FHOD3: variants seen among roughly 807,000 people sequenced by gnomAD.
The protein encoded by FHOD3 is FH1/FH2 domain-containing protein 3.
FHOD3 carries 90 observed loss-of-function variants against 173.0 expected under a neutral mutation model. That is an observed-to-expected ratio of 0.52 (90% CI 0.44 to 0.62). The LOEUF (loss-of-function observed/expected upper bound fraction) is 0.62, where lower values mean the gene tolerates loss of function less well. FHOD3 is among the 20% of genes least tolerant of loss of function. The pLI is 0.00. For synonymous variants in FHOD3, 828 were observed against 823.0 expected, an observed-to-expected ratio of 1.01 and a Z score of -0.10; for missense variants, 1,945 against 2,034.7, an observed-to-expected ratio of 0.96 and a Z score of 0.85.
intron 1 of FHOD3, among the ~76,000 whole-genome samples, chr18:36,350,071 C>T (rs1301909764): frequency 6.6e-6 from 1 of 152,178 alleles, no homozygotes; most frequent in African/African-American, 2.4e-5. Context: ...AGGCATCATG[C>T]CTGGCTTGCC....
Position 36,372,675 on chromosome 18 carries a change from G to C in FHOD3, c.273-5G>C, listed in dbSNP as rs772151743. On this transcript the variant is annotated splice_region_variant and splice_polypyrimidine_tract_variant and intron_variant, in intron 2 of 28. Transcript: ENST00000590592. ...ATGCCCCTGTTTTGTCTCCTGTCTC[G>C]TTAGGCGGGGCAAGAAGCACAGCAT... The C allele has an allele frequency of 1.2e-6, 2 of 1,613,728 alleles. No homozygotes were observed. The highest frequency in any genetic ancestry group is 1.7e-6 in the Non-Finnish European group (2 of 1,179,824).
At chr18:36,514,429 T>A (rs1270684295) in intron 5 of FHOD3, among the ~76,000 whole-genome samples, 1 of 152,204 alleles carries the variant, frequency 6.6e-6, no homozygotes, top group African/African-American at 2.4e-5. Context: ...TGTGTGTCTG[T>A]TCACTTTGGT....
chr18:36,667,799 A>T (rs1435248171), intron 14 of FHOD3, among the ~76,000 whole-genome samples: 1 of 152,166 alleles, frequency 6.6e-6, no homozygotes, highest in Admixed American at 6.5e-5. Flanking sequence ...AAAAAAGAAA[A>T]GTAGTTGTGC....
chr18:36,736,513 G>A (rs1290478891), intron 20 of FHOD3, among the ~76,000 whole-genome samples: 1 of 152,202 alleles, frequency 6.6e-6, no homozygotes, highest in Non-Finnish European at 1.5e-5. Context: ...GCAAGAAGGA[G>A]AGCTGGAAAG....
intron 3 of FHOD3, among the ~76,000 whole-genome samples, chr18:36,402,178 C>A (rs1327691588): frequency 2.0e-5 from 3 of 152,114 alleles, no homozygotes; most frequent in Non-Finnish European, 2.9e-5. Context: ...GGGCGTGGTC[C>A]TTTTGTTTTT....
intron 3 of FHOD3, among the ~76,000 whole-genome samples, chr18:36,469,104 G>A (rs2053124421): frequency 6.6e-6 from 1 of 152,128 alleles, no homozygotes; most frequent in Non-Finnish European, 1.5e-5. Context: ...TTAGAACTGT[G>A]ACCACTGTGA....
intron 3 of FHOD3, among the ~76,000 whole-genome samples, chr18:36,474,623 G>GA (rs2053456217): frequency 6.6e-6 from 1 of 152,164 alleles, no homozygotes; most frequent in African/African-American, 2.4e-5. Flanking sequence ...GGAGTGGTGG[G>GA]ATACAGAGTG....
intron 6 of FHOD3, among the ~76,000 whole-genome samples, chr18:36,581,226 C>T (rs2058839239): frequency 1.3e-5 from 2 of 152,234 alleles, no homozygotes; most frequent in Non-Finnish European, 2.9e-5. Flanking sequence ...AGATGCCAGG[C>T]CCATGACTTA....
intron 1 of FHOD3, among the ~76,000 whole-genome samples, chr18:36,335,352 G>A (rs1026249673): frequency 2.0e-5 from 3 of 151,738 alleles, no homozygotes; most frequent in Admixed American, 6.6e-5. Context: ...AAAATTAGCC[G>A]GGCGTGGTAG....
intron 2 of FHOD3, among the ~76,000 whole-genome samples, chr18:36,364,711 A>G (rs1233150697): frequency 6.6e-6 from 1 of 152,192 alleles, no homozygotes; most frequent in Non-Finnish European, 1.5e-5. Flanking sequence ...ACACAATTGG[A>G]TTCCCATTAT....
intron 4 of FHOD3, among the ~76,000 whole-genome samples, chr18:36,503,818 C>G (rs758817852): frequency 2.6e-4 from 40 of 152,178 alleles, no homozygotes; most frequent in Non-Finnish European, 5.3e-4. Context: ...CTTGATCTGG[C>G]CTCTGCTGCC....
intron 14 of FHOD3, among the ~76,000 whole-genome samples, chr18:36,660,309 C>T (rs185160729): frequency 9.8e-4 from 149 of 152,262 alleles, no homozygotes; most frequent in African/African-American, 3.5e-3. Context: ...CCCAGAGTGC[C>T]TTGAACATCC....
intron 18 of FHOD3, among the ~76,000 whole-genome samples, chr18:36,713,895 CAT>C (rs1272434813): frequency 6.6e-6 from 1 of 152,112 alleles, no homozygotes; most frequent in Non-Finnish European, 1.5e-5. Context: ...TAAGCTCTAA[CAT>C]ATCAGTAATT....
intron 5 of FHOD3, among the ~76,000 whole-genome samples, chr18:36,556,185 C>A (rs1273571167): frequency 6.6e-6 from 1 of 151,844 alleles, no homozygotes; most frequent in Non-Finnish European, 1.5e-5. Flanking sequence ...AGCTGTAATT[C>A]CATTATCTTC....
chr18:36,528,673 A>G (rs1568387172), intron 5 of FHOD3, among the ~76,000 whole-genome samples: 1 of 152,202 alleles, frequency 6.6e-6, no homozygotes, highest in Non-Finnish European at 1.5e-5. Context: ...CTTAAGGTTT[A>G]CACAACGCCA....
intron 5 of FHOD3, among the ~76,000 whole-genome samples, chr18:36,541,249 C>CAAAAAA (rs770104487): frequency 2.5e-5 from 1 of 40,304 alleles, no homozygotes; most frequent in Non-Finnish European, 5.2e-5. Flanking sequence ...GACTCTGTCT[C>CAAAAAA]AAAAAAAAAA....
At chr18:36,314,846 C>T (rs928494180) in intron 1 of FHOD3, among the ~76,000 whole-genome samples, 3 of 152,058 alleles carry the variant, frequency 2.0e-5, no homozygotes, top group African/African-American at 7.2e-5. Context: ...TAGGTCAAGG[C>T]CTAAGTGGGG....
chr18:36,624,995 C>T (rs187159421), intron 9 of FHOD3, among the ~76,000 whole-genome samples: 3 of 152,282 alleles, frequency 2.0e-5, no homozygotes, highest in African/African-American at 7.2e-5. Context: ...TGGCACTAGT[C>T]CTCTTAGAAA....
chr18:36,640,987 C>G (rs1232694657), intron 10 of FHOD3, among the ~76,000 whole-genome samples: 1 of 152,170 alleles, frequency 6.6e-6, no homozygotes, highest in Admixed American at 6.5e-5. Flanking sequence ...GTCTTGCCCT[C>G]TCCAGACCCC....
Sources: gnomAD v4.1 joint callset for allele counts (sites outside exome capture counted in the v4.1 genomes callset) on GRCh38, gnomAD v4.1.1 for gene constraint, MANE v1.5 for transcripts, NCBI Gene and HGNC (gene_info 2026-07-23, HGNC 2026-07-21) for gene names.